Variants in TCF12 observed in about 807,000 individuals in gnomAD.
TCF12 encodes the protein transcription factor 12, also known as DNA-binding protein HTF4.
Under a neutral mutation model 86.0 loss-of-function variants are expected in TCF12, and 45 were observed. That is an observed-to-expected ratio of 0.52 (90% CI 0.41 to 0.67). The LOEUF is 0.67. TCF12 is among the 30% of genes least tolerant of loss of function. TCF12 has a pLI of 0.00. For synonymous variants in TCF12, 330 were observed against 299.6 expected, an observed-to-expected ratio of 1.10 and a Z score of -1.05; for missense variants, 881 against 859.9, an observed-to-expected ratio of 1.02 and a Z score of -0.31.
chr15:57,246,832 C>A (rs1454019373), intron 13 of TCF12: 2 of 347,242 alleles, frequency 5.8e-6, no homozygotes, highest in Non-Finnish European at 5.6e-6. Flanking sequence ...GATCATTGTT[C>A]CTTCTGTGGC....
rs35566781 is a variant in TCF12, at chr15:57,084,773, TATTA to T, written c.223-7012_223-7009del. On this transcript the variant is annotated intron_variant, in intron 4 of 20. Transcript: ENST00000333725. ...TAGAAGGCAAAGGGAGAAAATTGTA[TATTA>T]ATTGTATATTATAAATGTATATTAA... Among the ~76,000 whole-genome samples, 460 of 152,182 alleles carry T rather than the reference TATTA, an allele frequency of 3.0e-3. 5 individuals are homozygous for T. Among genetic ancestry groups the T allele is most frequent in the African/African-American group, 0.01 (417 of 41,562 alleles).
At chr15:57,079,328 A>G (rs1401129560) in intron 4 of TCF12, among the ~76,000 whole-genome samples, 2 of 152,154 alleles carry the variant, frequency 1.3e-5, no homozygotes, top group African/African-American at 4.8e-5. Flanking sequence ...ATACCATGTT[A>G]TATGAAGAAT....
chr15:57,063,180 AC>A (rs1285028866), intron 3 of TCF12, among the ~76,000 whole-genome samples: 1 of 152,194 alleles, frequency 6.6e-6, no homozygotes, highest in Non-Finnish European at 1.5e-5. Flanking sequence ...TGGAAGTGTC[AC>A]CCACAAAATT....
At chr15:56,926,710 A>G (rs568754401) in intron 3 of TCF12, among the ~76,000 whole-genome samples, 2 of 152,344 alleles carry the variant, frequency 1.3e-5, no homozygotes, top group East Asian at 3.9e-4. Context: ...CTGGAGCTGG[A>G]CTACAGGTGT....
intron 3 of TCF12, among the ~76,000 whole-genome samples, chr15:56,961,601 TA>T (rs2061757442): frequency 6.6e-6 from 1 of 152,230 alleles, no homozygotes; most frequent in Admixed American, 6.5e-5. Context: ...CTTGTATTAG[TA>T]ATGTAATTTA....
In TCF12 at chr15:57,265,043, A is replaced by G. The variant is rs552008782; in HGVS notation, c.1745+1769A>G. On this transcript the variant is annotated intron_variant, in intron 18 of 20. Coordinates refer to ENST00000333725, the MANE Select transcript of TCF12 (RefSeq NM_207037.2). ...CCACACCCGGCCAACTTTTTTTTTT[A>G]AGTTAGAAGTATACTCTAATGATAA... 3.3e-5 allele frequency among the ~76,000 whole-genome samples: 5 copies of G among 151,116 alleles called. No individual in the cohort carries two copies. In the East Asian group the frequency reaches 7.7e-4, roughly 23 times the overall value.
intron 6 of TCF12, among the ~76,000 whole-genome samples, chr15:57,167,332 A>G (rs1270013309): frequency 6.6e-6 from 1 of 152,174 alleles, no homozygotes; most frequent in Non-Finnish European, 1.5e-5. Flanking sequence ...AGACTGAGGT[A>G]GGAGAATCAC....
At chr15:56,958,789 G>A (rs753647903) in intron 3 of TCF12, among the ~76,000 whole-genome samples, 5 of 152,038 alleles carry the variant, frequency 3.3e-5, no homozygotes, top group Non-Finnish European at 5.9e-5. Context: ...GGGATGCAGA[G>A]ACAGGAGGAT....
At chr15:57,014,022 G>C (rs2064998150) in intron 3 of TCF12, among the ~76,000 whole-genome samples, 1 of 152,140 alleles carries the variant, frequency 6.6e-6, no homozygotes, top group South Asian at 2.1e-4. Context: ...CTGTATTTCA[G>C]ACTTGTGGCT....
rs184458728 is a variant in TCF12 at position 57,233,768 on chromosome 15, C to T, written c.971-275C>T. Among the ~76,000 whole-genome samples, 21 of 152,312 alleles carry T rather than the reference C, an allele frequency of 1.4e-4. No homozygotes were observed. In the East Asian group the frequency reaches 3.3e-3, roughly 24 times the overall value. On this transcript the variant is annotated intron_variant, in intron 11 of 20. Coordinates refer to ENST00000333725, the MANE Select transcript of TCF12 (RefSeq NM_207037.2). ...CTGGGATTACAGGCATGAGCCACCG[C>T]GCCTGGCCTTGGCCCCTCTTTCGAT...
intron 3 of TCF12, among the ~76,000 whole-genome samples, chr15:57,027,993 T>C (rs1198350079): frequency 6.6e-6 from 1 of 152,084 alleles, no homozygotes; most frequent in Non-Finnish European, 1.5e-5. Flanking sequence ...AGATGGAGTC[T>C]CACTCTGTTG....
rs12438805 is a variant in TCF12 at position 57,165,138 on chromosome 15, G to C, written c.326-1264G>C. Among the ~76,000 whole-genome samples, 7 of 135,960 alleles carry C rather than the reference G, an allele frequency of 5.1e-5. No homozygotes were observed. In the Admixed American group the frequency reaches 5.2e-4, roughly 10 times the overall value. The allele number at this position is 135,960 out of a possible 152,430, so 89.2% of individuals were successfully genotyped here. On this transcript the variant is annotated intron_variant, in intron 5 of 20. Transcript: ENST00000333725. ...CTATCCTGAAGGAATGTATGTCTGT[G>C]TGTGTGTGTGTGTGTGTGTGTGTGT...
At chr15:57,074,364 A>C (rs1327051018) in intron 4 of TCF12, among the ~76,000 whole-genome samples, 35 of 121,340 alleles carry the variant, frequency 2.9e-4, no homozygotes, top group Non-Finnish European at 2.7e-4. Context: ...TTTGATTAAA[A>C]AAAAAAAAAA....
chr15:57,211,979 CCACACA>C (rs58113866), intron 8 of TCF12, among the ~76,000 whole-genome samples: 6,527 of 83,774 alleles, frequency 0.078, 368 homozygotes, highest in Admixed American at 0.27. Context: ...CACACACACA[CCACACA>C]CACACACACA....
At chr15:56,988,119 C>T (rs2063281762) in intron 3 of TCF12, among the ~76,000 whole-genome samples, 1 of 152,052 alleles carries the variant, frequency 6.6e-6, no homozygotes, top group South Asian at 2.1e-4. Flanking sequence ...TTTAATTGTA[C>T]CTTTTAGCAG....
chr15:57,233,970 G>C, intron 11 of TCF12, 73 bp from the exon 12 acceptor site: 1 of 1,220,874 alleles, frequency 8.2e-7, no homozygotes, highest in Non-Finnish European at 1.2e-6. Context: ...AACACCCTTG[G>C]AATAATGGCA....
chr15:56,994,586 ATT>A (rs1202385016), intron 3 of TCF12, among the ~76,000 whole-genome samples: 1 of 152,098 alleles, frequency 6.6e-6, no homozygotes, highest in Non-Finnish European at 1.5e-5. Context: ...GGAAAATGAC[ATT>A]GCTCCTTGGG....
chr15:57,207,278 AAATTCATTTTTTC>A (rs1203375847), intron 8 of TCF12, among the ~76,000 whole-genome samples: 1 of 152,154 alleles, frequency 6.6e-6, no homozygotes, highest in Admixed American at 6.6e-5. Flanking sequence ...CATCCCTAGA[AAATTCATTTTTTC>A]AATGTTAATC....
intron 3 of TCF12, among the ~76,000 whole-genome samples, chr15:57,006,444 A>G (rs1479542728): frequency 1.3e-5 from 2 of 150,174 alleles, no homozygotes; most frequent in Non-Finnish European, 3.0e-5. Context: ...AGCTGGGATT[A>G]CAGGCGCCTG....
Sources: gnomAD v4.1 joint callset for allele counts (sites outside exome capture counted in the v4.1 genomes callset) on GRCh38, gnomAD v4.1.1 for gene constraint, MANE v1.5 for transcripts, NCBI Gene and HGNC (gene_info 2026-07-23, HGNC 2026-07-21) for gene names.